SCLT1: variants seen among roughly 807,000 people sequenced by gnomAD.
The protein encoded by SCLT1 is sodium channel and clathrin linker 1, also known as sodium channel-associated protein 1.
In SCLT1, 78 loss-of-function variants were observed where a neutral mutation model predicts 112.8. That is an observed-to-expected ratio of 0.69 (90% CI 0.58 to 0.83). The LOEUF is 0.83. SCLT1 is among the 40% of genes least tolerant of loss of function. The pLI, the probability that SCLT1 is intolerant of heterozygous loss-of-function variation, is 0.00. For missense variants in SCLT1, 747 were observed against 770.4 expected (o/e 0.97, Z 0.36); for synonymous variants, 257 against 254.7 (o/e 1.01, Z -0.09).
At chr4:129,015,658 G>T (rs1238247232) in intron 5 of SCLT1, among the ~76,000 whole-genome samples, 2 of 152,136 alleles carry the variant, frequency 1.3e-5, no homozygotes, top group African/African-American at 4.8e-5. Flanking sequence ...ACTTCTCTAG[G>T]AATCTCTCCC....
chr4:129,036,940 T>C (rs1747230929), intron 5 of SCLT1: 1 of 151,960 alleles, frequency 6.6e-6, no homozygotes, highest in South Asian at 2.1e-4. Context: ...TTTAGTCTAG[T>C]TAAAAGTCAA....
chr4:128,886,652 G>A (rs1732915008), intron 20 of SCLT1, among the ~76,000 whole-genome samples: 1 of 152,090 alleles, frequency 6.6e-6, no homozygotes, highest in East Asian at 1.9e-4. Flanking sequence ...AAAAGCTTAG[G>A]GAAAGATTTG....
chr4:128,958,970 T>C (rs1739446819), intron 12 of SCLT1, among the ~76,000 whole-genome samples: 1 of 152,156 alleles, frequency 6.6e-6, no homozygotes, highest in African/African-American at 2.4e-5. Context: ...ATTCGATGAA[T>C]GTTGGTAAAT....
chr4:129,036,986 T>C (rs1747234447), intron 5 of SCLT1: 1 of 151,966 alleles, frequency 6.6e-6, no homozygotes, highest in African/African-American at 2.4e-5. Context: ...TCCAGTTATA[T>C]GAATTTTATG....
intron 5 of SCLT1, among the ~76,000 whole-genome samples, chr4:129,007,588 T>C (rs539009769): frequency 5.3e-5 from 8 of 152,326 alleles, no homozygotes; most frequent in South Asian, 4.1e-4. Context: ...ACATATTTTC[T>C]ATCCTTTTAT....
intron 5 of SCLT1, 81 bp from the exon 6 acceptor site, chr4:129,003,957 G>A: frequency 1.6e-6 from 2 of 1,260,326 alleles, no homozygotes; most frequent in Non-Finnish European, 1.1e-6. Flanking sequence ...TTAAACATTT[G>A]GGTCAACAAT....
Position 129,067,786 on chromosome 4 carries a change from A to G in SCLT1, c.102+14520T>C, listed in dbSNP as rs111783397. 4.7e-3 allele frequency among the ~76,000 whole-genome samples: 713 copies of G among 151,944 alleles called. 4 individuals are homozygous for G. Among genetic ancestry groups the G allele is most frequent in the African/African-American group, 0.016 (649 of 41,398 alleles). Reference sequence around the variant, plus strand: ...CTTGGCCTCCCTAAGTGCTGGGATTACAGGCGTGAGCCACCATGCCTGGCA... The same window carrying G: ...CTTGGCCTCCCTAAGTGCTGGGATTGCAGGCGTGAGCCACCATGCCTGGCA... On this transcript the variant is annotated intron_variant, in intron 2 of 20. Transcript: ENST00000281142.
At chr4:128,880,943 G>T (rs962680112), downstream of SCLT1, among the ~76,000 whole-genome samples, 1 of 152,122 alleles carries the variant, frequency 6.6e-6, no homozygotes, top group Non-Finnish European at 1.5e-5. Context: ...CACATGGGGG[G>T]CACCTATGAG....
At chr4:129,040,163 A>G in intron 4 of SCLT1, 1 of 702,678 alleles carries the variant, frequency 1.4e-6, no homozygotes, top group South Asian at 1.5e-5. Context: ...AGCAAATTCT[A>G]ACTATAAATT....
chr4:128,983,760 A>C (rs1279577788), intron 9 of SCLT1, among the ~76,000 whole-genome samples: 1 of 152,216 alleles, frequency 6.6e-6, no homozygotes, highest in Non-Finnish European at 1.5e-5. Flanking sequence ...ACATGATTTT[A>C]ACTTTTTTGC....
chr4:128,929,493 G>A (rs1452507247), intron 18 of SCLT1, among the ~76,000 whole-genome samples: 2 of 152,118 alleles, frequency 1.3e-5, no homozygotes, highest in Non-Finnish European at 2.9e-5. Flanking sequence ...CAAGAACCAA[G>A]AATAGGTAAG....
chr4:128,898,381 G>A (rs946125353), intron 18 of SCLT1, among the ~76,000 whole-genome samples: 6 of 152,168 alleles, frequency 3.9e-5, no homozygotes, highest in East Asian at 1.9e-4. Context: ...ACTCAAAACC[G>A]CTCAACTACA....
intron 18 of SCLT1, among the ~76,000 whole-genome samples, chr4:128,911,891 C>T (rs1195733700): frequency 6.6e-6 from 1 of 152,150 alleles, no homozygotes; most frequent in African/African-American, 2.4e-5. Flanking sequence ...GGCAAACAGC[C>T]AAGTACTTTC....
chr4:128,932,308 G>T (rs998045892), intron 18 of SCLT1, among the ~76,000 whole-genome samples: 1 of 152,118 alleles, frequency 6.6e-6, no homozygotes, highest in African/African-American at 2.4e-5. Context: ...TTCATGGCAT[G>T]AATTAAAGTG....
At chr4:129,034,346 C>T (rs1250108281) in intron 5 of SCLT1, among the ~76,000 whole-genome samples, 1 of 151,344 alleles carries the variant, frequency 6.6e-6, no homozygotes, top group Non-Finnish European at 1.5e-5. Flanking sequence ...ATTATGAAAG[C>T]ACATCAATAA....
At chr4:128,970,348 G>T in intron 10 of SCLT1, 30 bp downstream of exon 10, 1 of 1,159,976 alleles carries the variant, frequency 8.6e-7, no homozygotes, top group Non-Finnish European at 1.3e-6. Flanking sequence ...TAAGCAATAG[G>T]TACCCATTTG....
At chr4:128,896,936 C>G (rs167619) in intron 18 of SCLT1, among the ~76,000 whole-genome samples, 107,448 of 151,616 alleles carry the variant, frequency 0.71, 38,146 homozygotes, top group African/African-American at 0.76. Flanking sequence ...GATGGAAGAT[C>G]AAATGAATGA....
At chr4:128,997,781 C>T (rs935583047) in intron 8 of SCLT1, 93 bp downstream of exon 8, 5 of 580,302 alleles carry the variant, frequency 8.6e-6, no homozygotes, top group African/African-American at 2.0e-5. Context: ...TATCTAATTT[C>T]GTGCAGCATG....
In SCLT1 at chr4:129,000,959, A is replaced by C. The variant is rs189352285; in HGVS notation, c.427-1165T>G. ...TTTTGTCTAAAACTTAAAAAAAAAAACAAAAACTGTAGGCTAATTAAAAAT... is the reference window on the plus strand; with the variant it reads ...TTTTGTCTAAAACTTAAAAAAAAAACCAAAAACTGTAGGCTAATTAAAAAT... On this transcript the variant is annotated intron_variant, in intron 6 of 20. Transcript: ENST00000281142. Among the ~76,000 whole-genome samples the C allele has an allele frequency of 1.8e-3, 278 of 150,814 alleles. 3 individuals carry two copies. The East Asian group carries it at 0.037, about 20-fold the overall frequency.
Sources: gnomAD v4.1 joint callset for allele counts (sites outside exome capture counted in the v4.1 genomes callset) on GRCh38, gnomAD v4.1.1 for gene constraint, MANE v1.5 for transcripts, NCBI Gene and HGNC (gene_info 2026-07-23, HGNC 2026-07-21) for gene names.